The following POP4 variants were observed in gnomAD, a reference collection of about 807,000 sequenced individuals.
The protein encoded by POP4 is POP4 ribonuclease P/MRP subunit.
Under a neutral mutation model 29.9 loss-of-function variants are expected in POP4, and 31 were observed. The ratio of observed to expected loss-of-function variants is 1.04; its 90% CI spans 0.78 to 1.40. The LOEUF (loss-of-function observed/expected upper bound fraction) is 1.40, where lower values mean the gene tolerates loss of function less well. Among genes scored for constraint, POP4 ranks in the 40% most tolerant of loss-of-function variants. The pLI is 0.00. For missense variants in POP4, 286 were observed against 282.7 expected (o/e 1.01, Z -0.08); for synonymous variants, 110 against 108.2 (o/e 1.02, Z -0.10).
In POP4 at chr19:29,611,852, T is replaced by C. The variant is rs2145557572; in HGVS notation, c.285-10T>C. On this transcript the variant is annotated splice_polypyrimidine_tract_variant and intron_variant, in intron 3 of 6. Coordinates refer to ENST00000585603, the MANE Select transcript of POP4 (RefSeq NM_006627.3). ...GTCTAACTTTTTCCCTGTTTCTGAC[T>C]TTGCTGCAGATACAGCCTTTTCCTC... 6.2e-7 allele frequency: 1 copy of C among 1,612,988 alleles called. No homozygotes were observed. Among genetic ancestry groups the C allele is most frequent in the African/African-American group, 1.3e-5 (1 of 75,022 alleles).
At chr19:29,610,980 C>T (rs1365388525) in intron 3 of POP4, 1 of 243,896 alleles carries the variant, frequency 4.1e-6, no homozygotes, top group Admixed American at 5.2e-5. Flanking sequence ...TAGAGCCAGA[C>T]AGTCACCCAC....
Position 29,616,002 on chromosome 19 carries a change from G to A in POP4, c.*622G>A, listed in dbSNP as rs1217853455. On this transcript the variant is annotated 3_prime_UTR_variant, in exon 7 of 7. Transcript: ENST00000585603. ...GGAATCATAGCTGGGGTGGACCCCA[G>A]GAGCAGAGTACTGCATGCAGCTGTG... 1 of 152,302 alleles carries A rather than the reference G, an allele frequency of 6.6e-6. No homozygotes were observed. The highest frequency in any genetic ancestry group is 6.5e-5 in the Admixed American group (1 of 15,292). The allele number at this position is 152,302 out of a possible 1,614,324, so 9.4% of individuals were successfully genotyped here.
rs1971120022 is a variant in POP4 at position 29,615,491 on chromosome 19, C to G, written c.*111C>G. ...AGCCAATTCCATTTATAGACCACCT[C>G]CAGCCAGTGACGCTCCGAGTTGAGG... is the stretch of plus-strand genomic sequence containing the variant. On this transcript the variant is annotated 3_prime_UTR_variant, in exon 7 of 7. Coordinates refer to ENST00000585603, the MANE Select transcript of POP4 (RefSeq NM_006627.3). The G allele has an allele frequency of 8.3e-7, 1 of 1,209,592 alleles. No homozygotes were observed. Among genetic ancestry groups the G allele is most frequent in the South Asian group, 1.6e-5 (1 of 63,134 alleles). The allele number at this position is 1,209,592 out of a possible 1,614,324, so 74.9% of individuals were successfully genotyped here.
At chr19:29,613,748 T>G in intron 5 of POP4, 123 bp from the exon 6 acceptor site, 1 of 1,446,056 alleles carries the variant, frequency 6.9e-7, no homozygotes, top group Non-Finnish European at 9.2e-7. Context: ...CCCTGGGTGC[T>G]CTGTTCTTTC....
chr19:29,608,966 G>T (rs1310312789), intron 2 of POP4: 2 of 418,624 alleles, frequency 4.8e-6, no homozygotes, highest in East Asian at 4.3e-5. Flanking sequence ...CCACTGTGTT[G>T]GGGACACCAG....
chr19:29,606,513 C>A, intron 1 of POP4, 188 bp downstream of exon 1: 1 of 589,284 alleles, frequency 1.7e-6, no homozygotes, highest in Non-Finnish European at 2.8e-6. Flanking sequence ...GACCTCTGAG[C>A]TAGGGAGGGA....
At chr19:29,608,930 G>A in intron 2 of POP4, 1 of 521,568 alleles carries the variant, frequency 1.9e-6, no homozygotes, top group South Asian at 2.4e-5. Context: ...GGTAAAATGA[G>A]GCTTTCCTTA....
Position 29,615,646 on chromosome 19 carries a change from C to G in POP4, c.*266C>G. ...AGGAACAGACTGGCAGGAAGCACAC[C>G]GGGGTTAACACTGGTTGACTTGAAT... is the stretch of plus-strand genomic sequence containing the variant. On this transcript the variant is annotated 3_prime_UTR_variant, in exon 7 of 7. Coordinates refer to ENST00000585603, the MANE Select transcript of POP4 (RefSeq NM_006627.3). 1 of 395,904 alleles carries G rather than the reference C, an allele frequency of 2.5e-6. No homozygotes were observed. Among genetic ancestry groups the G allele is most frequent in the Non-Finnish European group, 4.5e-6 (1 of 220,012 alleles). The allele number at this position is 395,904 out of a possible 1,614,324, so 24.5% of individuals were successfully genotyped here.
At chr19:29,610,328 G>A (rs1235297548) in intron 2 of POP4, 81 bp from the exon 3 acceptor site, 15 of 1,329,512 alleles carry the variant, frequency 1.1e-5, no homozygotes, top group South Asian at 8.9e-5. Context: ...AGTAGCTGCC[G>A]GGAATGGCGG....
intron 5 of POP4, among the ~76,000 whole-genome samples, chr19:29,612,772 T>A (rs1046993057): frequency 1.3e-5 from 2 of 152,248 alleles, no homozygotes; most frequent in Non-Finnish European, 2.9e-5. Context: ...TGTCTATGTT[T>A]CTTCTTTCCT....
chr19:29,613,694 G>A, intron 5 of POP4, 177 bp from the exon 6 acceptor site: 1 of 954,584 alleles, frequency 1.0e-6, no homozygotes, highest in African/African-American at 1.7e-5. Context: ...GGGAAGCCTG[G>A]ATTCTTGTTG....
In POP4 at chr19:29,615,276, G is replaced by T. The variant is rs1358269789; in HGVS notation, c.559G>T (p.Glu187Ter). The T allele has an allele frequency of 6.2e-7, 1 of 1,605,446 alleles. No individual in the cohort carries two copies. Among genetic ancestry groups the T allele is most frequent in the Non-Finnish European group, 8.5e-7 (1 of 1,177,192 alleles). The change falls in exon 7 of 7, where the codon GAA (glutamate) becomes TAA (stop). Residue 187 changes from glutamate (E) to a stop codon, truncating the protein, a stop_gained. Coordinates refer to ENST00000585603, the MANE Select transcript of POP4 (RefSeq NM_006627.3). LOFTEE classifies it high-confidence loss of function. ...CAAGCTAAACTGCGTGTTCACTGTG[G>T]AAACCGATGGCTTTATTTCCTACAT... ...IPKLNCVFTV[E>*]TDGFISYIYG...
At chr19:29,610,349 T>TGGGCTGCCC (rs1971048927) in intron 2 of POP4, 60 bp from the exon 3 acceptor site, 1 of 1,442,620 alleles carries the variant, frequency 6.9e-7, no homozygotes, top group Admixed American at 2.4e-5. Context: ...GCGGGATGCC[T>TGGGCTGCCC]GGGATCCTGG....
At chr19:29,612,377 G>A (rs143961838) in intron 5 of POP4, among the ~76,000 whole-genome samples, 199 bp downstream of exon 5, 460 of 152,236 alleles carry the variant, frequency 3.0e-3, no homozygotes, top group Non-Finnish European at 5.4e-3. Flanking sequence ...GCCATTTGCT[G>A]GACACACCCT....
Position 29,610,465 on chromosome 19 carries a change from G to T in POP4, c.117G>T (p.Thr39=). ...AFVRAFLKRS[T]PRMSPQARED... ...TGAGGGCCTTCCTGAAGCGCAGCACGCCCCGCATGAGCCCGCAGGCCCGCG... is the reference window on the plus strand; with the variant it reads ...TGAGGGCCTTCCTGAAGCGCAGCACTCCCCGCATGAGCCCGCAGGCCCGCG... Residue 39 remains threonine, a synonymous_variant, in exon 3 of 7, where the codon ACG becomes ACT. Coordinates refer to ENST00000585603, the MANE Select transcript of POP4 (RefSeq NM_006627.3). The T allele has an allele frequency of 6.2e-7, 1 of 1,601,014 alleles. No individual in the cohort carries two copies. Among genetic ancestry groups the T allele is most frequent in the Non-Finnish European group, 8.5e-7 (1 of 1,174,070 alleles).
chr19:29,608,716 TCTTGGCAGGGAGTC>T lies in POP4; in HGVS notation c.60+9_60+22del. On this transcript the variant is annotated splice_region_variant and intron_variant, in intron 2 of 6. Coordinates refer to ENST00000585603, the MANE Select transcript of POP4 (RefSeq NM_006627.3). ...GAATGACTCCGATGTCCAGGTCAGT[TCTTGGCAGGGAGTC>T]CAGGAGCAACAGAGGTGATGGCAAA... is the stretch of plus-strand genomic sequence containing the variant. 3 of 1,613,612 alleles carry T rather than the reference TCTTGGCAGGGAGTC, an allele frequency of 1.9e-6. No homozygotes were observed. The highest frequency in any genetic ancestry group is 2.5e-6 in the Non-Finnish European group (3 of 1,179,520).
chr19:29,606,733 G>A (rs906971646), intron 1 of POP4, among the ~76,000 whole-genome samples: 5 of 152,140 alleles, frequency 3.3e-5, no homozygotes, highest in African/African-American at 1.2e-4. Context: ...CAAAGCTTTG[G>A]TCCTTAGGGG....
At chr19:29,611,707 GT>G in intron 3 of POP4, 154 bp from the exon 4 acceptor site, 5 of 647,436 alleles carry the variant, frequency 7.7e-6, no homozygotes, top group South Asian at 3.8e-5. Flanking sequence ...CTTGGTCTCG[GT>G]TATCAGCTCA....
At chr19:29,614,499 T>C (rs1363144716) in intron 6 of POP4, among the ~76,000 whole-genome samples, 1 of 124,518 alleles carries the variant, frequency 8.0e-6, no homozygotes, top group Non-Finnish European at 1.6e-5. Context: ...GTTTTGTTCC[T>C]TTAATTTTTC....
Sources: gnomAD v4.1 joint callset for allele counts (sites outside exome capture counted in the v4.1 genomes callset) on GRCh38, gnomAD v4.1.1 for gene constraint, MANE v1.5 for transcripts, NCBI Gene and HGNC (gene_info 2026-07-23, HGNC 2026-07-21) for gene names.